TARS3: variants seen among roughly 807,000 people sequenced by gnomAD.
The protein encoded by TARS3 is threonyl-tRNA synthetase 3, also known as threonine--tRNA ligase 2, cytoplasmic.
TARS3 carries 94 observed loss-of-function variants against 103.5 expected under a neutral mutation model. The observed-to-expected ratio is 0.91, with a 90% CI of 0.77 to 1.08. The LOEUF (loss-of-function observed/expected upper bound fraction) is 1.08, where lower values mean the gene tolerates loss of function less well. TARS3 is among the 50% of genes least tolerant of loss of function. The pLI is 0.00. For synonymous variants in TARS3, 416 were observed against 355.4 expected (o/e 1.17, Z -1.92); for missense variants, 952 against 995.2 (o/e 0.96, Z 0.58).
chr15:101,672,479 CAT>C (rs1207315409), intron 13 of TARS3, among the ~76,000 whole-genome samples: 1 of 152,170 alleles, frequency 6.6e-6, no homozygotes, highest in East Asian at 1.9e-4. Flanking sequence ...GCCAAACTCC[CAT>C]CATCACCTCC....
intron 7 of TARS3, among the ~76,000 whole-genome samples, chr15:101,704,393 A>T (rs12443359): frequency 5.9e-5 from 9 of 152,118 alleles, no homozygotes; most frequent in African/African-American, 1.9e-4. Flanking sequence ...GGTGGCTCAC[A>T]CCTGTAATCC....
At chr15:101,686,503 G>A (rs547915093) in intron 10 of TARS3, among the ~76,000 whole-genome samples, 1 of 152,066 alleles carries the variant, frequency 6.6e-6, no homozygotes, top group Non-Finnish European at 1.5e-5. Flanking sequence ...AGTGTATAAC[G>A]ATTTAAGTAG....
At chr15:101,682,318 G>A (rs974317257) in intron 12 of TARS3, among the ~76,000 whole-genome samples, 1 of 152,124 alleles carries the variant, frequency 6.6e-6, no homozygotes, top group African/African-American at 2.4e-5. Flanking sequence ...CTAGTTTTGA[G>A]AGTTTTTATG....
chr15:101,715,445 C>G (rs934451952), intron 3 of TARS3, among the ~76,000 whole-genome samples: 3 of 152,142 alleles, frequency 2.0e-5, no homozygotes, highest in African/African-American at 7.2e-5. Context: ...CGCGCCCAGC[C>G]ACATTCACTG....
intron 11 of TARS3, among the ~76,000 whole-genome samples, chr15:101,684,820 T>G (rs1344720281): frequency 6.6e-6 from 1 of 152,174 alleles, no homozygotes; most frequent in African/African-American, 2.4e-5. Context: ...TCCCATTGCC[T>G]CTAAGCCACC....
At chr15:101,683,116 G>A (rs750105415) in intron 12 of TARS3, among the ~76,000 whole-genome samples, 5 of 151,830 alleles carry the variant, frequency 3.3e-5, no homozygotes, top group Non-Finnish European at 7.4e-5. Context: ...AGTGATTTCT[G>A]CTCTGCTCTT....
intron 3 of TARS3, among the ~76,000 whole-genome samples, chr15:101,719,235 A>G (rs1900321336): frequency 6.6e-6 from 1 of 152,112 alleles, no homozygotes; most frequent in South Asian, 2.1e-4. Flanking sequence ...CCAAGCACAC[A>G]CTTTGTGATT....
At position 101,703,857 on chromosome 15, in the gene TARS3, A is replaced by T. The variant is rs781732677; in HGVS notation, c.1074+2T>A. The T allele has an allele frequency of 6.2e-7, 1 of 1,607,284 alleles. No individual in the cohort carries two copies. The highest frequency in any genetic ancestry group is 1.7e-5 in the Admixed American group (1 of 59,804). ...CTGTATTAAAAAAAAATCAATCCTTACCTTAAAAATTTTGATGGTTTTAAT... is the reference window on the plus strand; with the variant it reads ...CTGTATTAAAAAAAAATCAATCCTTTCCTTAAAAATTTTGATGGTTTTAAT... On this transcript the variant is annotated splice_donor_variant, in intron 8 of 18. Transcript: ENST00000335968. LOFTEE classifies it high-confidence loss of function.
At chr15:101,662,649 G>C (rs1897427711) in intron 15 of TARS3, among the ~76,000 whole-genome samples, 1 of 152,188 alleles carries the variant, frequency 6.6e-6, no homozygotes, top group African/African-American at 2.4e-5. Context: ...CTTTGGGGTA[G>C]GGGTGAGCGG....
chr15:101,661,007 C>A (rs577947416), intron 16 of TARS3, among the ~76,000 whole-genome samples: 1 of 152,300 alleles, frequency 6.6e-6, no homozygotes, highest in East Asian at 1.9e-4. Flanking sequence ...AGTTCTAAAT[C>A]TTTGACTCTG....
intron 16 of TARS3, among the ~76,000 whole-genome samples, chr15:101,661,101 G>GGATGCACCACTCAAAAAAGACCACAA (rs1567322024): frequency 5.6e-5 from 5 of 88,892 alleles, no homozygotes; most frequent in Non-Finnish European, 1.4e-4. Flanking sequence ...AAGGACCACA[G>GGATGCACCACTCAAAAAAGACCACAA]GATGCACCAC....
chr15:101,722,129 CTCCTCTCT>C (rs1900497509), intron 2 of TARS3, among the ~76,000 whole-genome samples: 1 of 152,014 alleles, frequency 6.6e-6, no homozygotes, highest in Non-Finnish European at 1.5e-5. Flanking sequence ...CTCCAAAAGG[CTCCTCTCT>C]GCCTATCTAA....
chr15:101,678,247 G>A (rs544086378), intron 12 of TARS3, among the ~76,000 whole-genome samples: 1 of 152,166 alleles, frequency 6.6e-6, no homozygotes, highest in Non-Finnish European at 1.5e-5. Flanking sequence ...CAAAGTGCTG[G>A]AATTACAGGC....
intron 4 of TARS3, among the ~76,000 whole-genome samples, chr15:101,714,497 T>G (rs1330717153): frequency 3.5e-5 from 5 of 143,610 alleles, no homozygotes; most frequent in African/African-American, 1.3e-4. Flanking sequence ...CCCAGGTAGC[T>G]GGGAGGCTGA....
chr15:101,657,394 G>A (rs1203199443), intron 17 of TARS3, among the ~76,000 whole-genome samples: 1 of 152,222 alleles, frequency 6.6e-6, no homozygotes, highest in African/African-American at 2.4e-5. Flanking sequence ...AGCCCCAGGA[G>A]ACGCTCTGCG....
chr15:101,665,403 AT>A (rs1567324429), intron 15 of TARS3, among the ~76,000 whole-genome samples: 1 of 152,258 alleles, frequency 6.6e-6, no homozygotes, highest in East Asian at 1.9e-4. Context: ...AATAAATTAT[AT>A]AACTTAAAAA....
Position 101,724,310 on chromosome 15 carries a change from C to A in TARS3, c.78G>T (p.Trp26Cys). The A allele has an allele frequency of 1.3e-6, 2 of 1,571,228 alleles. No individual in the cohort carries two copies. Among genetic ancestry groups the A allele is most frequent in the Non-Finnish European group, 1.7e-6 (2 of 1,165,316 alleles). ...CGTCCCTCAGGCGCTCGACCTCCGA[C>A]CACAGCCAGCGGATGTCCTCCTCCT... The part of the protein sequence containing the change: ...ERQEEDIRWL[W>C]SEVERLRDEQ... The change falls in exon 1 of 19, where the codon TGG (tryptophan) becomes TGT (cysteine). Residue 26 changes from tryptophan to cysteine, a missense_variant. Around this residue, in one of 2 missense-constraint regions of TARS3, gnomAD observed 412 missense variants for 364.2 expected, o/e 1.13. Coordinates refer to ENST00000335968, the MANE Select transcript of TARS3 (RefSeq NM_152334.3).
intron 13 of TARS3, among the ~76,000 whole-genome samples, chr15:101,674,282 C>T (rs183731786): frequency 1.3e-5 from 2 of 152,292 alleles, no homozygotes; most frequent in Admixed American, 6.5e-5. Context: ...AGTTGTGTTA[C>T]TAGCAATCTG....
intron 13 of TARS3, among the ~76,000 whole-genome samples, chr15:101,673,551 A>C (rs1897901297): frequency 6.6e-6 from 1 of 152,216 alleles, no homozygotes; most frequent in South Asian, 2.1e-4. Context: ...CCTGATGCTT[A>C]TAGATCTTCT....
Sources: allele counts gnomAD v4.1 joint callset (sites outside exome capture counted in the v4.1 genomes callset), GRCh38; gene constraint gnomAD v4.1.1; regional missense constraint gnomAD v4.1.1; transcripts MANE v1.5; gene names NCBI Gene and HGNC (gene_info 2026-07-23, HGNC 2026-07-21).